Variants in MAMLD1 observed in about 807,000 individuals in gnomAD.
The protein encoded by MAMLD1 is mastermind like domain containing 1, also known as mastermind-like domain-containing protein 1.
MAMLD1 carries 14 observed loss-of-function variants against 45.0 expected under a neutral mutation model. The observed-to-expected ratio is 0.31, with a 90% CI of 0.21 to 0.49. The LOEUF (loss-of-function observed/expected upper bound fraction) is 0.49. Ranked by LOEUF, MAMLD1 falls within the 20% of genes least tolerant of loss-of-function variation. The probability of loss-of-function intolerance (pLI) is 0.99; values close to 1 mark genes in which losing one functional copy is unlikely to be tolerated. For synonymous variants in MAMLD1, 254 were observed against 247.8 expected (o/e 1.02, Z -0.24); for missense variants, 543 against 603.6 (o/e 0.90, Z 1.05).
chrX:150,440,893 A>C (rs962797566), intron 1 of MAMLD1, among the ~76,000 whole-genome samples: 7 of 104,308 alleles, frequency 6.7e-5, no homozygotes, highest in Non-Finnish European at 1.4e-4. Context: ...ATTTAATATA[A>C]TATTTATTAA....
chrX:150,429,020 A>G (rs1557403922), intron 1 of MAMLD1, among the ~76,000 whole-genome samples: 1 of 111,670 alleles, frequency 9.0e-6, no homozygotes, highest in African/African-American at 3.3e-5. Flanking sequence ...AGCTTGCTTG[A>G]AGTTGATAGG....
intron 1 of MAMLD1, among the ~76,000 whole-genome samples, chrX:150,382,403 A>G (rs192910879): frequency 7.1e-4 from 79 of 111,946 alleles, no homozygotes; most frequent in Middle Eastern, 4.6e-3. Context: ...AAAAATGTTA[A>G]TACTGGGTAA....
chrX:150,504,049 G>A, intron 6 of MAMLD1: 1 of 754,574 alleles, frequency 1.3e-6, no homozygotes, highest in Non-Finnish European at 1.6e-6. Flanking sequence ...GAGGCAGGAA[G>A]TTGGATTGCC....
chrX:150,399,783 T>C (rs1018151921), intron 1 of MAMLD1, among the ~76,000 whole-genome samples: 5 of 112,125 alleles, frequency 4.5e-5, no homozygotes, highest in Non-Finnish European at 9.4e-5. Flanking sequence ...CTTCCAGAAC[T>C]GTGAAAGAAT....
intron 2 of MAMLD1, among the ~76,000 whole-genome samples, chrX:150,450,948 C>T (rs1472349610): frequency 1.8e-5 from 2 of 112,952 alleles, no homozygotes; most frequent in Non-Finnish European, 3.8e-5. Flanking sequence ...GCAGTAAGGG[C>T]TCCTTCCTGT....
At chrX:150,494,951 A>T (rs1375276044) in intron 5 of MAMLD1, among the ~76,000 whole-genome samples, 3 of 111,652 alleles carry the variant, frequency 2.7e-5, no homozygotes, top group African/African-American at 9.8e-5. Flanking sequence ...CACACCTGTA[A>T]TCCCAGCACT....
rs782668343 is a variant in MAMLD1 at position 150,471,224 on chromosome X, G to A, written c.1651G>A (p.Glu551Lys). ...CAAGCCCTTGTCCCATTTTGTTTCT[G>A]AGCCGGGTCCCCAGAAGATGCCCTC... ...NTKPLSHFVS[E>K]PGPQKMPSMP... The change falls in exon 4 of 8, where the codon GAG becomes AAG. Residue 551 changes from glutamate (E) to lysine (K), a missense_variant. By Grantham distance (56) the Glu-to-Lys change is moderately conservative. Coordinates refer to ENST00000370401, the MANE Select transcript of MAMLD1 (RefSeq NM_005491.5). The A allele has an allele frequency of 8.3e-7, 1 of 1,211,677 alleles. No individual in the cohort carries two copies.
At chrX:150,377,373 T>C (rs1603216132) in intron 1 of MAMLD1, among the ~76,000 whole-genome samples, 1 of 113,574 alleles carries the variant, frequency 8.8e-6, no homozygotes, top group African/African-American at 3.2e-5. Flanking sequence ...TTGTTATATT[T>C]GGAAGATGTG....
At chrX:150,398,337 A>AGAGGAAGAG (rs2033588513) in intron 1 of MAMLD1, among the ~76,000 whole-genome samples, 7 of 52,259 alleles carry the variant, frequency 1.3e-4, no homozygotes, top group Non-Finnish European at 1.9e-4. Context: ...AAGAAGAAGA[A>AGAGGAAGAG]GAAGAGGAAG....
chrX:150,373,493 T>TAC (rs2032144022), intron 1 of MAMLD1, among the ~76,000 whole-genome samples: 3 of 107,316 alleles, frequency 2.8e-5, no homozygotes, highest in Non-Finnish European at 3.9e-5. Context: ...CACACACAGG[T>TAC]ACACACACAC....
intron 2 of MAMLD1, among the ~76,000 whole-genome samples, chrX:150,453,673 A>G (rs1212863210): frequency 9.0e-6 from 1 of 111,373 alleles, no homozygotes; most frequent in Non-Finnish European, 1.9e-5. Context: ...ACAAAATACA[A>G]TCCAATCCCT....
Position 150,383,150 on chromosome X carries a change from C to G in MAMLD1, c.-64+19620C>G, listed in dbSNP as rs782212095. ...CGATCTCCTGACCTCGTGATCCGCC[C>G]GCCTCGGCCTCCCAAAGTGCTGGGA... On this transcript the variant is annotated intron_variant, in intron 1 of 7. Coordinates refer to ENST00000370401, the MANE Select transcript of MAMLD1 (RefSeq NM_005491.5). Among the ~76,000 whole-genome samples, 4 of 30,690 alleles carry G rather than the reference C, an allele frequency of 1.3e-4. No homozygotes were observed. In the South Asian group the frequency reaches 2.7e-3, roughly 21 times the overall value. The allele number at this position is 30,690 out of a possible 115,157, so 26.7% of individuals were successfully genotyped here.
At chrX:150,492,548 T>C (rs2148340438) in intron 5 of MAMLD1, among the ~76,000 whole-genome samples, 2 of 112,177 alleles carry the variant, frequency 1.8e-5, no homozygotes, top group Admixed American at 1.9e-4. Context: ...GCCTTTGGGA[T>C]AGTCACAACA....
At chrX:150,382,638 T>C (rs1202510505) in intron 1 of MAMLD1, among the ~76,000 whole-genome samples, 3 of 111,727 alleles carry the variant, frequency 2.7e-5, no homozygotes, top group Non-Finnish European at 5.7e-5. Flanking sequence ...TTTAGGTCTT[T>C]ATTCTTTTAT....
intron 1 of MAMLD1, among the ~76,000 whole-genome samples, chrX:150,403,929 G>GAGAA (rs1557402561): frequency 6.7e-5 from 3 of 45,039 alleles, no homozygotes; most frequent in African/African-American, 2.2e-4. Context: ...AAGAAAGACA[G>GAGAA]AGAAAGAAAG....
chrX:150,492,993 G>A (rs1246634963), intron 5 of MAMLD1, among the ~76,000 whole-genome samples: 8 of 111,580 alleles, frequency 7.2e-5, no homozygotes, highest in African/African-American at 2.6e-4. Flanking sequence ...AGAGAATGAT[G>A]TCCCCCTCCC....
chrX:150,374,262 AG>A (rs1557401408), intron 1 of MAMLD1, among the ~76,000 whole-genome samples: 2 of 112,715 alleles, frequency 1.8e-5, no homozygotes, highest in Non-Finnish European at 3.8e-5. Flanking sequence ...AGGTTAAGAA[AG>A]CCTCAATATG....
At chrX:150,460,715 AC>A (rs1322259337) in intron 2 of MAMLD1, among the ~76,000 whole-genome samples, 1 of 112,105 alleles carries the variant, frequency 8.9e-6, no homozygotes, top group Non-Finnish European at 1.9e-5. Flanking sequence ...ATAGTACGTG[AC>A]TTCCACACAG....
At chrX:150,485,550 G>C (rs914159909) in intron 5 of MAMLD1, among the ~76,000 whole-genome samples, 8 of 111,754 alleles carry the variant, frequency 7.2e-5, no homozygotes, top group Admixed American at 2.8e-4. Flanking sequence ...CTTTTCTATA[G>C]ATGAATCCCA....
Sources: allele counts gnomAD v4.1 joint callset (sites outside exome capture counted in the v4.1 genomes callset), GRCh38; gene constraint gnomAD v4.1.1; transcripts MANE v1.5; gene names NCBI Gene and HGNC (gene_info 2026-07-23, HGNC 2026-07-21).